Variants in FIGN observed in about 807,000 individuals in gnomAD.
The protein encoded by FIGN is fidgetin.
A neutral mutation model predicts 51.3 loss-of-function variants in FIGN; 11 were observed. That is an observed-to-expected ratio of 0.21 (90% CI 0.13 to 0.35). The LOEUF is 0.35. Ranked by LOEUF, FIGN falls within the 10% of genes least tolerant of loss-of-function variation. The pLI is 1.00. For synonymous variants in FIGN, 407 were observed against 363.2 expected, an observed-to-expected ratio of 1.12 and a Z score of -1.37; for missense variants, 857 against 943.6, an observed-to-expected ratio of 0.91 and a Z score of 1.20.
At position 163,602,700 on chromosome 2, in the gene FIGN, A is replaced by C. The variant is rs1049244145; in HGVS notation, c.*6852T>G. On this transcript the variant is annotated 3_prime_UTR_variant, in exon 3 of 3. Coordinates refer to ENST00000333129, the MANE Select transcript of FIGN (RefSeq NM_018086.4). ...AGCATAGCCATATACAACAAATTTT[A>C]CAATAGAGAAAACTTTTCATAAAAA... The C allele has an allele frequency of 6.6e-6, 1 of 152,056 alleles. No homozygotes were observed. Among genetic ancestry groups the C allele is most frequent in the African/African-American group, 2.4e-5 (1 of 41,426 alleles). The allele number at this position is 152,056 out of a possible 1,614,324, so 9.4% of individuals were successfully genotyped here.
chr2:163,716,678 A>G (rs1236821386), intron 2 of FIGN, among the ~76,000 whole-genome samples: 1 of 152,244 alleles, frequency 6.6e-6, no homozygotes, highest in South Asian at 2.1e-4. Context: ...TATAATTTAA[A>G]CATAGTAAAA....
At chr2:163,650,544 C>T (rs980222468) in intron 2 of FIGN, among the ~76,000 whole-genome samples, 31 of 152,092 alleles carry the variant, frequency 2.0e-4, no homozygotes, top group African/African-American at 7.5e-4. Flanking sequence ...CCTCCCCAGC[C>T]CCCAACCCCC....
chr2:163,688,200 G>C (rs10176991), intron 2 of FIGN, among the ~76,000 whole-genome samples: 7,046 of 152,198 alleles, frequency 0.046, 521 homozygotes, highest in African/African-American at 0.15. Flanking sequence ...AAGATACTCT[G>C]TGTAAAAGAG....
rs191706521 is a variant in FIGN, at chr2:163,699,432, T to A, written c.25+35471A>T. Among the ~76,000 whole-genome samples, 44 of 152,270 alleles carry A rather than the reference T, an allele frequency of 2.9e-4. 2 individuals carry two copies. The highest frequency in any genetic ancestry group is 2.5e-3 in the Admixed American group (38 of 15,276). ...AATTACCCTCTGGAAGTATGTTAGG[T>A]CAACATTAAAAATTGTCAAGCCATA... is the stretch of plus-strand genomic sequence containing the variant. On this transcript the variant is annotated intron_variant, in intron 2 of 2. Coordinates refer to ENST00000333129, the MANE Select transcript of FIGN (RefSeq NM_018086.4).
Position 163,611,819 on chromosome 2 carries a change from G to A in FIGN, c.26-13C>T. The stretch of plus-strand genomic sequence containing the variant: ...TGCATCTTCAAGCCTAAGAATTTTG[G>A]GGGGAAAAGAGTTAATTTACTTAAA... On this transcript the variant is annotated splice_polypyrimidine_tract_variant and intron_variant, in intron 2 of 2. Transcript: ENST00000333129. 5 of 1,583,570 alleles carry A rather than the reference G, an allele frequency of 3.2e-6. No homozygotes were observed. The highest frequency in any genetic ancestry group is 4.3e-6 in the Non-Finnish European group (5 of 1,159,002).
In FIGN at chr2:163,686,541, G is replaced by A. The variant is rs1289944585; in HGVS notation, c.25+48362C>T. The stretch of plus-strand genomic sequence containing the variant: ...AACGGTAAAGAAGTGAGAAGTGTGG[G>A]CGAAACTGCCTTATGTAGATTATCA... On this transcript the variant is annotated intron_variant, in intron 2 of 2. Coordinates refer to ENST00000333129, the MANE Select transcript of FIGN (RefSeq NM_018086.4). Among the ~76,000 whole-genome samples the A allele has an allele frequency of 2.6e-5, 4 of 152,030 alleles. No homozygotes were observed. In the South Asian group the frequency reaches 6.2e-4, roughly 24 times the overall value.
chr2:163,695,972 A>G (rs549007271), intron 2 of FIGN, among the ~76,000 whole-genome samples: 25 of 152,254 alleles, frequency 1.6e-4, no homozygotes, highest in Non-Finnish European at 3.1e-4. Context: ...TTAGCCGGGC[A>G]TGGTGGCATG....
chr2:163,718,836 A>AGAGC (rs1420463371), intron 2 of FIGN, among the ~76,000 whole-genome samples: 145 of 129,568 alleles, frequency 1.1e-3, no homozygotes, highest in Middle Eastern at 4.1e-3. Context: ...TAAGACAGAG[A>AGAGC]GAGTGAGAGA....
At chr2:163,725,276 AAAG>A (rs1684822213) in intron 2 of FIGN, among the ~76,000 whole-genome samples, 1 of 152,156 alleles carries the variant, frequency 6.6e-6, no homozygotes, top group South Asian at 2.1e-4. Flanking sequence ...AAAGAAAAGA[AAAG>A]AAAAAAACAG....
intron 2 of FIGN, chr2:163,617,379 A>T: frequency 3.9e-6 from 1 of 254,800 alleles, no homozygotes; most frequent in Non-Finnish European, 6.2e-6. Context: ...AATGCTAAAA[A>T]GGAGGATCCA....
At chr2:163,730,423 T>C (rs1363085841) in intron 2 of FIGN, among the ~76,000 whole-genome samples, 4 of 152,164 alleles carry the variant, frequency 2.6e-5, no homozygotes, top group African/African-American at 9.7e-5. Context: ...AAACTGGCCA[T>C]TTATTTGCAG....
chr2:163,628,655 A>G (rs1683094941), intron 2 of FIGN, among the ~76,000 whole-genome samples: 1 of 152,162 alleles, frequency 6.6e-6, no homozygotes, highest in Non-Finnish European at 1.5e-5. Flanking sequence ...AAACTCCACA[A>G]AAGATTTCAG....
intron 2 of FIGN, among the ~76,000 whole-genome samples, chr2:163,725,299 A>G (rs1374351958): frequency 6.6e-6 from 1 of 152,138 alleles, no homozygotes; most frequent in Non-Finnish European, 1.5e-5. Flanking sequence ...GCTCTTCAAA[A>G]CGGTACACAG....
At chr2:163,730,150 T>G (rs1684902671) in intron 2 of FIGN, among the ~76,000 whole-genome samples, 1 of 152,204 alleles carries the variant, frequency 6.6e-6, no homozygotes, top group Admixed American at 6.5e-5. Context: ...TGCTTCGAAC[T>G]TCAATGTACC....
At position 163,658,383 on chromosome 2, in the gene FIGN, C is replaced by CTCTCTCTT. The variant is rs1171811089; in HGVS notation, c.26-46578_26-46577insAAGAGAGA. On this transcript the variant is annotated intron_variant, in intron 2 of 2. Transcript: ENST00000333129. Reference sequence around the variant, plus strand: ...GAAACAGCTCTCTCTCTCTCTCTCTCTCTCTCTCTCTCTCTCTCTCTCTCT... The same window carrying CTCTCTCTT: ...GAAACAGCTCTCTCTCTCTCTCTCTCTCTCTCTTTCTCTCTCTCTCTCTCTCTCTCTCT... 1.4e-4 allele frequency among the ~76,000 whole-genome samples: 19 copies of CTCTCTCTT among 132,234 alleles called. 1 individual carries two copies. Among genetic ancestry groups the CTCTCTCTT allele is most frequent in the African/African-American group, 7.1e-4 (19 of 26,902 alleles). The allele number at this position is 132,234 out of a possible 152,430, so 86.8% of individuals were successfully genotyped here.
intron 2 of FIGN, among the ~76,000 whole-genome samples, chr2:163,623,203 A>G (rs1465436746): frequency 1.3e-5 from 2 of 152,210 alleles, no homozygotes; most frequent in African/African-American, 4.8e-5. Flanking sequence ...AAAATGATCT[A>G]TGCTTTACTA....
At chr2:163,704,171 G>T (rs1684454205) in intron 2 of FIGN, among the ~76,000 whole-genome samples, 1 of 152,062 alleles carries the variant, frequency 6.6e-6, no homozygotes. Context: ...CAAAAAAGGT[G>T]ATTGAAGGGT....
intron 2 of FIGN, among the ~76,000 whole-genome samples, chr2:163,722,739 A>G (rs1684777345): frequency 6.6e-6 from 1 of 152,070 alleles, no homozygotes; most frequent in African/African-American, 2.4e-5. Flanking sequence ...ATATAATTAT[A>G]AAACTATTTT....
At chr2:163,708,904 T>C (rs1684543698) in intron 2 of FIGN, among the ~76,000 whole-genome samples, 1 of 152,178 alleles carries the variant, frequency 6.6e-6, no homozygotes, top group Non-Finnish European at 1.5e-5. Flanking sequence ...TAAGAAGTAA[T>C]GGTTGCATAT....
Sources: gnomAD v4.1 joint callset for allele counts (sites outside exome capture counted in the v4.1 genomes callset) on GRCh38, gnomAD v4.1.1 for gene constraint, MANE v1.5 for transcripts, NCBI Gene and HGNC (gene_info 2026-07-23, HGNC 2026-07-21) for gene names.